Variants in NSMCE2 observed in about 807,000 individuals in gnomAD.
NSMCE2 encodes the protein E3 SUMO-protein ligase NSE2.
A neutral mutation model predicts 23.8 loss-of-function variants in NSMCE2; 24 were observed. That is an observed-to-expected ratio of 1.01 (90% CI 0.73 to 1.42). The LOEUF is 1.42. Among genes scored for constraint, NSMCE2 ranks in the 40% most tolerant of loss-of-function variants. The pLI, the probability that NSMCE2 is intolerant of heterozygous loss-of-function variation, is 0.00. For missense variants in NSMCE2, 284 were observed against 296.5 expected, an observed-to-expected ratio of 0.96 and a Z score of 0.31; for synonymous variants, 92 against 94.1, an observed-to-expected ratio of 0.98 and a Z score of 0.13.
chr8:125,224,890 CTTG>C (rs1283483201), intron 5 of NSMCE2, among the ~76,000 whole-genome samples: 1 of 152,080 alleles, frequency 6.6e-6, no homozygotes, highest in East Asian at 1.9e-4. Flanking sequence ...TAAACTGCCT[CTTG>C]TTGATTGACT....
At chr8:125,246,579 C>T (rs534431122) in intron 5 of NSMCE2, among the ~76,000 whole-genome samples, 1 of 152,282 alleles carries the variant, frequency 6.6e-6, no homozygotes, top group African/African-American at 2.4e-5. Flanking sequence ...CTCCTCCCTC[C>T]CCCAAAATGC....
Position 125,096,957 on chromosome 8 carries a change from A to G in NSMCE2, c.-111+4999A>G, listed in dbSNP as rs894667234. Among the ~76,000 whole-genome samples the G allele has an allele frequency of 2.6e-5, 4 of 151,702 alleles. No homozygotes were observed. The South Asian group carries it at 6.2e-4, about 24-fold the overall frequency. ...TGCGTGACTCCATTATAACTTTCTC[A>G]TATGCTTGGTTTGCCCGTAAATTTC... On this transcript the variant is annotated intron_variant, in intron 1 of 7. Coordinates refer to ENST00000287437, the MANE Select transcript of NSMCE2 (RefSeq NM_173685.4).
At chr8:125,127,125 T>C (rs1338785768) in intron 3 of NSMCE2, 2 of 152,234 alleles carry the variant, frequency 1.3e-5, no homozygotes, top group Admixed American at 6.5e-5. Flanking sequence ...ATGAAAAATA[T>C]GGACATTATC....
intron 7 of NSMCE2, among the ~76,000 whole-genome samples, chr8:125,364,291 T>A (rs1430128047): frequency 6.6e-6 from 1 of 152,184 alleles, no homozygotes; most frequent in Admixed American, 6.6e-5. Context: ...CATATTATAT[T>A]TCATTGATTA....
At chr8:125,165,261 C>G (rs936098846) in intron 4 of NSMCE2, among the ~76,000 whole-genome samples, 1 of 152,154 alleles carries the variant, frequency 6.6e-6, no homozygotes, top group Non-Finnish European at 1.5e-5. Context: ...AAAGATGAGG[C>G]CTCATGTAGC....
At chr8:125,124,795 T>C (rs1819435409) in intron 3 of NSMCE2, among the ~76,000 whole-genome samples, 1 of 151,968 alleles carries the variant, frequency 6.6e-6, no homozygotes, top group Non-Finnish European at 1.5e-5. Context: ...GATTTTGTTG[T>C]TGTTGTTGTT....
At chr8:125,191,735 A>G (rs1421319140) in intron 5 of NSMCE2, among the ~76,000 whole-genome samples, 1 of 152,214 alleles carries the variant, frequency 6.6e-6, no homozygotes, top group East Asian at 1.9e-4. Context: ...CAAGTTTAGA[A>G]CAAATTCCAT....
intron 5 of NSMCE2, among the ~76,000 whole-genome samples, chr8:125,255,125 A>G (rs1463626904): frequency 1.3e-5 from 2 of 152,078 alleles, no homozygotes; most frequent in Non-Finnish European, 2.9e-5. Context: ...AGACCCAAGC[A>G]GAGAGGAACC....
intron 5 of NSMCE2, among the ~76,000 whole-genome samples, chr8:125,245,817 G>A (rs1825940154): frequency 6.6e-6 from 1 of 152,132 alleles, no homozygotes; most frequent in Non-Finnish European, 1.5e-5. Flanking sequence ...TGGATCACCA[G>A]AGGTCAGGAA....
intron 5 of NSMCE2, among the ~76,000 whole-genome samples, chr8:125,240,503 C>T (rs560894666): frequency 6.6e-6 from 1 of 152,336 alleles, no homozygotes; most frequent in Admixed American, 6.5e-5. Context: ...ACTGGCAGCA[C>T]AGGGACCTTG....
At chr8:125,111,050 A>G (rs1161806386) in intron 3 of NSMCE2, among the ~76,000 whole-genome samples, 4 of 152,122 alleles carry the variant, frequency 2.6e-5, no homozygotes, top group Non-Finnish European at 4.4e-5. Flanking sequence ...GATTCATCAA[A>G]TTGATTGAAT....
At chr8:125,251,680 A>G (rs1209539339) in intron 5 of NSMCE2, among the ~76,000 whole-genome samples, 1 of 152,226 alleles carries the variant, frequency 6.6e-6, no homozygotes, top group African/African-American at 2.4e-5. Flanking sequence ...GTCTTAGACA[A>G]TGGAATAGTT....
intron 5 of NSMCE2, among the ~76,000 whole-genome samples, chr8:125,296,155 C>T (rs960577258): frequency 2.0e-5 from 3 of 152,154 alleles, no homozygotes; most frequent in African/African-American, 7.2e-5. Flanking sequence ...TTCCATGGCC[C>T]TATGAACTAG....
At chr8:125,354,162 C>A (rs189898151) in intron 5 of NSMCE2, among the ~76,000 whole-genome samples, 6,211 of 152,072 alleles carry the variant, frequency 0.041, 224 homozygotes, top group Non-Finnish European at 0.054. Flanking sequence ...GAACTCCTGA[C>A]CTCAGGTGAT....
intron 4 of NSMCE2, among the ~76,000 whole-genome samples, chr8:125,177,849 G>A (rs2891630): frequency 0.37 from 55,644 of 151,918 alleles, 13,737 homozygotes; most frequent in African/African-American, 0.7. Flanking sequence ...TTTTCTTCCA[G>A]TGCCCTCATT....
chr8:125,342,503 G>C (rs28679282), intron 5 of NSMCE2, among the ~76,000 whole-genome samples: 17 of 152,156 alleles, frequency 1.1e-4, no homozygotes, highest in African/African-American at 2.7e-4. Context: ...GGACAAGGAG[G>C]GGGTGGGTGA....
chr8:125,295,358 C>T (rs1424568938), intron 5 of NSMCE2, among the ~76,000 whole-genome samples: 1 of 152,076 alleles, frequency 6.6e-6, no homozygotes, highest in Non-Finnish European at 1.5e-5. Flanking sequence ...GTAAAAACAG[C>T]ATCCAAAAGG....
chr8:125,215,037 TTTTATTTATTA>T (rs1009720243), intron 5 of NSMCE2, among the ~76,000 whole-genome samples: 2 of 107,080 alleles, frequency 1.9e-5, no homozygotes, highest in African/African-American at 1.8e-4. Context: ...TTTTATTTTA[TTTTATTTATTA>T]TTATTATTAT....
chr8:125,151,823 G>A (rs907802220), intron 4 of NSMCE2, among the ~76,000 whole-genome samples: 4 of 152,274 alleles, frequency 2.6e-5, no homozygotes, highest in African/African-American at 7.2e-5. Flanking sequence ...TGGGAACATA[G>A]CAACATCCTT....
Sources: gnomAD v4.1 joint callset for allele counts (sites outside exome capture counted in the v4.1 genomes callset) on GRCh38, gnomAD v4.1.1 for gene constraint, MANE v1.5 for transcripts, NCBI Gene and HGNC (gene_info 2026-07-23, HGNC 2026-07-21) for gene names.